The following EPHA3 variants were observed in gnomAD, a reference collection of about 807,000 sequenced individuals.
EPHA3 encodes the protein ephrin type-A receptor 3.
EPHA3 carries 42 observed loss-of-function variants against 107.1 expected under a neutral mutation model. The observed-to-expected ratio is 0.39, with a 90% CI of 0.31 to 0.51. The LOEUF (loss-of-function observed/expected upper bound fraction) is 0.51, where lower values mean the gene tolerates loss of function less well. EPHA3 is among the 20% of genes least tolerant of loss of function. The pLI is 0.78. For missense variants in EPHA3, 1,183 were observed against 1,211.2 expected (o/e 0.98, Z 0.35); for synonymous variants, 461 against 424.8 (o/e 1.09, Z -1.05).
intron 3 of EPHA3, among the ~76,000 whole-genome samples, chr3:89,291,895 T>G (rs955948656): frequency 1.3e-5 from 2 of 152,176 alleles, no homozygotes; most frequent in African/African-American, 4.8e-5. Context: ...CTAAGAAAGA[T>G]TACTGTGGAT....
chr3:89,382,912 T>C (rs114621793), intron 5 of EPHA3, among the ~76,000 whole-genome samples: 2,440 of 152,230 alleles, frequency 0.016, 68 homozygotes, highest in African/African-American at 0.055. Flanking sequence ...GACAATTTCT[T>C]CCCAGTCAGT....
At chr3:89,381,472 C>T (rs1160678177) in intron 5 of EPHA3, among the ~76,000 whole-genome samples, 1 of 151,760 alleles carries the variant, frequency 6.6e-6, no homozygotes, top group Non-Finnish European at 1.5e-5. Context: ...GAGTTCAAGA[C>T]CAGCCTGGCC....
intron 3 of EPHA3, among the ~76,000 whole-genome samples, chr3:89,269,230 G>A (rs901525808): frequency 9.9e-5 from 15 of 152,050 alleles, no homozygotes; most frequent in African/African-American, 3.4e-4. Flanking sequence ...ATTTTACAGA[G>A]AGACTGAGGC....
chr3:89,215,499 G>A (rs1190813738), intron 3 of EPHA3, among the ~76,000 whole-genome samples: 1 of 151,788 alleles, frequency 6.6e-6, no homozygotes, highest in South Asian at 2.1e-4. Flanking sequence ...TGTATATACT[G>A]CAAATCAGAT....
intron 2 of EPHA3, among the ~76,000 whole-genome samples, chr3:89,175,176 T>G (rs1482806877): frequency 6.6e-6 from 1 of 151,986 alleles, no homozygotes; most frequent in South Asian, 2.1e-4. Flanking sequence ...TAGGCCCTTT[T>G]TATTTGATGT....
intron 5 of EPHA3, among the ~76,000 whole-genome samples, chr3:89,346,659 T>A (rs572157478): frequency 7.9e-5 from 12 of 151,246 alleles, no homozygotes; most frequent in African/African-American, 2.4e-4. Context: ...TTTGTTGCCA[T>A]TGCTTTTGGT....
chr3:89,313,569 C>T lies in EPHA3; in HGVS notation c.815-27347C>T, dbSNP rs1371407312. ...ATCTGTAACTTATTACAATATACTT[C>T]AAGTGGGCACTAAATTACTTCTGGT... On this transcript the variant is annotated intron_variant, in intron 3 of 16. Coordinates refer to ENST00000336596, the MANE Select transcript of EPHA3 (RefSeq NM_005233.6). Among the ~76,000 whole-genome samples, 3 of 152,050 alleles carry T rather than the reference C, an allele frequency of 2.0e-5. No homozygotes were observed. In the East Asian group the frequency reaches 5.8e-4, roughly 29 times the overall value.
intron 3 of EPHA3, among the ~76,000 whole-genome samples, chr3:89,252,003 A>C (rs909083292): frequency 6.6e-6 from 1 of 152,188 alleles, no homozygotes; most frequent in Non-Finnish European, 1.5e-5. Context: ...TATACAACCT[A>C]AGAGAAATAA....
At chr3:89,408,978 C>T (rs1379318675) in intron 9 of EPHA3, among the ~76,000 whole-genome samples, 6 of 151,886 alleles carry the variant, frequency 4.0e-5, no homozygotes, top group Admixed American at 2.6e-4. Context: ...TTGTATCAGC[C>T]GTTGGATTAT....
intron 9 of EPHA3, 68 bp downstream of exon 9, chr3:89,408,199 T>C: frequency 6.9e-7 from 1 of 1,457,952 alleles, no homozygotes; most frequent in Non-Finnish European, 9.6e-7. Context: ...TGATTTACAA[T>C]TGGTTAACTT....
In EPHA3 at chr3:89,226,382, G is replaced by A. The variant is rs527307488; in HGVS notation, c.814+15862G>A. On this transcript the variant is annotated intron_variant, in intron 3 of 16. Transcript: ENST00000336596. ...TTTATAAGTGTTAGGTTTATCATAA[G>A]AGGGATAAATCCTTACTATGGGGAA... Among the ~76,000 whole-genome samples, 41 of 152,266 alleles carry A rather than the reference G, an allele frequency of 2.7e-4. 2 individuals are homozygous for A. The East Asian group carries it at 6.2e-3, about 23-fold the overall frequency.
At chr3:89,451,306 A>T (rs766916020) in intron 15 of EPHA3, among the ~76,000 whole-genome samples, 3 of 152,182 alleles carry the variant, frequency 2.0e-5, no homozygotes, top group Non-Finnish European at 4.4e-5. Flanking sequence ...CAGTGGAAAA[A>T]AGAAGGAAGA....
intron 2 of EPHA3, among the ~76,000 whole-genome samples, chr3:89,208,502 G>C (rs1396008015): frequency 7.2e-6 from 1 of 138,488 alleles, no homozygotes; most frequent in South Asian, 2.3e-4. Context: ...AAGGAGGGAG[G>C]GAGGGAAGAA....
intron 3 of EPHA3, among the ~76,000 whole-genome samples, chr3:89,214,734 C>T (rs1020284669): frequency 1.3e-5 from 2 of 151,836 alleles, no homozygotes; most frequent in African/African-American, 2.4e-5. Flanking sequence ...GTATTGGACT[C>T]AGTCTCTTTT....
intron 3 of EPHA3, among the ~76,000 whole-genome samples, chr3:89,337,211 G>T (rs35173319): frequency 0.46 from 69,265 of 152,046 alleles, 16,057 homozygotes; most frequent in African/African-American, 0.5. Context: ...AAATGACTAT[G>T]TTTCAATTTC....
chr3:89,430,507 T>C, intron 12 of EPHA3, among the ~76,000 whole-genome samples: 1 of 152,290 alleles, frequency 6.6e-6, no homozygotes, highest in Non-Finnish European at 1.5e-5. Context: ...AAACATGGAA[T>C]TTTATATAAA....
intron 2 of EPHA3, among the ~76,000 whole-genome samples, chr3:89,196,147 C>T (rs541212529): frequency 9.9e-5 from 15 of 151,948 alleles, no homozygotes; most frequent in Non-Finnish European, 2.1e-4. Context: ...CTGATGTATC[C>T]ATATTCTTTT....
intron 2 of EPHA3, among the ~76,000 whole-genome samples, chr3:89,145,542 A>C (rs1166191117): frequency 6.6e-6 from 1 of 151,682 alleles, no homozygotes; most frequent in Non-Finnish European, 1.5e-5. Context: ...TTCTTTATAA[A>C]TTTGTCTGAA....
chr3:89,171,710 GA>G (rs889117961), intron 2 of EPHA3, among the ~76,000 whole-genome samples: 20 of 151,802 alleles, frequency 1.3e-4, no homozygotes, highest in Middle Eastern at 3.4e-3. Context: ...TAATCACGGG[GA>G]AAAAAAATAT....
Sources: allele counts gnomAD v4.1 joint callset (sites outside exome capture counted in the v4.1 genomes callset), GRCh38; gene constraint gnomAD v4.1.1; transcripts MANE v1.5; gene names NCBI Gene and HGNC (gene_info 2026-07-23, HGNC 2026-07-21).